Variants in NUP62 observed in about 807,000 individuals in gnomAD.
NUP62 encodes the protein nucleoporin 62, also known as nuclear pore glycoprotein p62.
For missense variants in NUP62, 647 were observed against 689.4 expected (o/e 0.94, Z 0.69); for synonymous variants, 305 against 303.4 (o/e 1.01, Z -0.05).
intron 2 of NUP62, among the ~76,000 whole-genome samples, chr19:49,910,532 A>C (rs2075437539): frequency 6.6e-6 from 1 of 152,126 alleles, no homozygotes; most frequent in African/African-American, 2.4e-5. Context: ...CTCAAGGATA[A>C]ACTGAGACCT....
chr19:49,916,354 AT>A (rs1182733064), intron 2 of NUP62, among the ~76,000 whole-genome samples: 830 of 131,904 alleles, frequency 6.3e-3, no homozygotes, highest in African/African-American at 0.014. Flanking sequence ...TATCTTTTGT[AT>A]TTTTTTTTTT....
chr19:49,913,486 C>A (rs1006098447), intron 2 of NUP62, among the ~76,000 whole-genome samples: 1 of 152,182 alleles, frequency 6.6e-6, no homozygotes, highest in East Asian at 1.9e-4. Flanking sequence ...AGTCAGCAGA[C>A]CTCAGTTCAG....
At position 49,914,896 on chromosome 19, in the gene NUP62, T is replaced by C. The variant is rs554029580; in HGVS notation, c.-77-5012A>G. 1.3e-3 allele frequency among the ~76,000 whole-genome samples: 202 copies of C among 151,772 alleles called. 1 individual carries two copies. The highest frequency in any genetic ancestry group is 4.6e-3 in the African/African-American group (192 of 41,396). ...CTGGGATTACAGGCGTGCACCACCA[T>C]GCCCAGCTAATTTTTGTATTTTTAG... On this transcript the variant is annotated intron_variant, in intron 2 of 2. Transcript: ENST00000352066.
chr19:49,908,943 C>CGGT lies in NUP62; in HGVS notation c.862_864dup (p.Thr288dup). On this transcript the variant is annotated inframe_insertion, in exon 3 of 3. Transcript: ENST00000352066. The stretch of plus-strand genomic sequence containing the variant: ...AGTGGTTTTAAATTCAAGGCAAAGC[C>CGGT]GGTGGTGCTGCTGCTGCTGGTGGTG... The CGGT allele has an allele frequency of 6.2e-7, 1 of 1,609,116 alleles. No homozygotes were observed. The highest frequency in any genetic ancestry group is 8.5e-7 in the Non-Finnish European group (1 of 1,177,832).
chr19:49,916,104 C>T (rs1370619597), intron 2 of NUP62, among the ~76,000 whole-genome samples: 1 of 152,232 alleles, frequency 6.6e-6, no homozygotes, highest in Non-Finnish European at 1.5e-5. Context: ...GGGTGGGAAA[C>T]AAGTGCAGAC....
intron 2 of NUP62, among the ~76,000 whole-genome samples, chr19:49,926,882 G>T (rs1483762751): frequency 1.4e-5 from 2 of 144,908 alleles, no homozygotes; most frequent in African/African-American, 5.1e-5. Context: ...TTGAGACGAG[G>T]TCTCACTCTG....
At chr19:49,915,164 G>A (rs2075592975) in intron 2 of NUP62, among the ~76,000 whole-genome samples, 1 of 152,076 alleles carries the variant, frequency 6.6e-6, no homozygotes, top group Admixed American at 6.6e-5. Context: ...GTGTGGGGGG[G>A]TAGACAGAAA....
Position 49,908,915 on chromosome 19 carries a change from G to A in NUP62, c.893C>T (p.Ala298Val), listed in dbSNP as rs867524159. The A allele has an allele frequency of 2.0e-5, 32 of 1,607,476 alleles. No homozygotes were observed. The highest frequency in any genetic ancestry group is 2.7e-5 in the African/African-American group (2 of 74,808). Residue 298 changes from alanine (A) to valine (V), a missense_variant, in exon 3 of 3, where the codon GCG (alanine) becomes GTG (valine). Transcript: ENST00000352066. ...TGFALNLKPLAPAGIPSNTAA... is the reference protein window; with the variant it reads ...TGFALNLKPLVPAGIPSNTAA... ...TGTATTGCTGGGGATCCCGGCTGGCGCCAGTGGTTTTAAATTCAAGGCAAA... is the reference window on the plus strand; with the variant it reads ...TGTATTGCTGGGGATCCCGGCTGGCACCAGTGGTTTTAAATTCAAGGCAAA...
At chr19:49,927,018 C>G (rs576438217) in intron 2 of NUP62, among the ~76,000 whole-genome samples, 1 of 151,962 alleles carries the variant, frequency 6.6e-6, no homozygotes, top group African/African-American at 2.4e-5. Context: ...AACCACCACA[C>G]CCGACTATTT....
chr19:49,911,811 C>A lies in NUP62; in HGVS notation c.-77-1927G>T, dbSNP rs563705205. Among the ~76,000 whole-genome samples, 3 of 152,306 alleles carry A rather than the reference C, an allele frequency of 2.0e-5. No homozygotes were observed. The East Asian group carries it at 5.8e-4, about 29-fold the overall frequency. On this transcript the variant is annotated intron_variant, in intron 2 of 2. Coordinates refer to ENST00000352066, the MANE Select transcript of NUP62 (RefSeq NM_016553.5). ...CTGTGGCCCTGGCATTTTCATAAAG[C>A]TTTCCTGGGGGATTCTGAGAAAGGT... is the stretch of plus-strand genomic sequence containing the variant.
Position 49,908,547 on chromosome 19 carries a change from T to A in NUP62, c.1261A>T (p.Ile421Phe), listed in dbSNP as rs777922064. The part of the protein sequence containing the change: ...EELVKEQSGT[I>F]YLQHADEERE... ...TCCTCATCCGCGTGCTGCAGGTAGA[T>A]GGTCCCGCTCTGCTCCTTGACCAAC... is the stretch of plus-strand genomic sequence containing the variant. Residue 421 changes from isoleucine (I) to phenylalanine (F), a missense_variant, in exon 3 of 3, where the codon ATC (isoleucine) becomes TTC (phenylalanine). By Grantham distance (21) the Ile-to-Phe change is conservative. Coordinates refer to ENST00000352066, the MANE Select transcript of NUP62 (RefSeq NM_016553.5). 1.2e-6 allele frequency: 2 copies of A among 1,614,170 alleles called. No homozygotes were observed. Among genetic ancestry groups the A allele is most frequent in the Non-Finnish European group, 1.7e-6 (2 of 1,180,040 alleles).
rs991387540 is a variant in NUP62, at chr19:49,907,360, C to T, written c.*879G>A. 1.2e-5 allele frequency: 4 copies of T among 322,298 alleles called. No homozygotes were observed. In the Admixed American group the frequency reaches 1.9e-4, roughly 15 times the overall value. 20.0% of individuals were successfully genotyped at this position (322,298 alleles called of 1,614,324 possible). A position where few individuals can be genotyped will look rare whatever the true frequency, so the allele number is the denominator to read the frequency against. On this transcript the variant is annotated 3_prime_UTR_variant, in exon 3 of 3. Transcript: ENST00000352066. ...AAAAGGCAGGCCTCTCGGCGCCCAT[C>T]TGTGGTTCCTCAACACCCTGTGTGT...
At chr19:49,914,815 C>T (rs903205737) in intron 2 of NUP62, among the ~76,000 whole-genome samples, 2 of 135,260 alleles carry the variant, frequency 1.5e-5, no homozygotes, top group Non-Finnish European at 3.1e-5. Flanking sequence ...TCTTGGCTCA[C>T]TACAACCTCC....
intron 2 of NUP62, among the ~76,000 whole-genome samples, chr19:49,910,483 T>C (rs1270006655): frequency 6.6e-6 from 1 of 152,144 alleles, no homozygotes; most frequent in African/African-American, 2.4e-5. Flanking sequence ...CTGAAACCCA[T>C]GTGCTCAGAG....
intron 2 of NUP62, among the ~76,000 whole-genome samples, chr19:49,922,746 G>A (rs2075794838): frequency 6.6e-6 from 1 of 151,826 alleles, no homozygotes; most frequent in East Asian, 1.9e-4. Context: ...CTTCTCCCGT[G>A]AAACCAGCAG....
intron 2 of NUP62, among the ~76,000 whole-genome samples, chr19:49,916,075 A>T (rs1447379099): frequency 6.6e-6 from 1 of 152,256 alleles, no homozygotes; most frequent in Non-Finnish European, 1.5e-5. Context: ...ACTGCACTGC[A>T]GCACACCGAG....
chr19:49,914,732 T>G (rs1188847854), intron 2 of NUP62, among the ~76,000 whole-genome samples: 4,766 of 97,702 alleles, frequency 0.049, 334 homozygotes, highest in African/African-American at 0.13. Flanking sequence ...CCCAGTTTTT[T>G]TTTTTTTTTT....
intron 2 of NUP62, among the ~76,000 whole-genome samples, chr19:49,923,272 C>T (rs371754623): frequency 6.6e-6 from 1 of 152,238 alleles, no homozygotes; most frequent in African/African-American, 2.4e-5. Context: ...TCAACCCCGG[C>T]ACCCCTGGCC....
intron 2 of NUP62, chr19:49,918,459 C>G (rs1439160312): frequency 1.3e-5 from 2 of 152,262 alleles, no homozygotes; most frequent in Non-Finnish European, 2.9e-5. Flanking sequence ...CTCTCCTCCA[C>G]AGAACCAGGT....
Sources: allele counts gnomAD v4.1 joint callset (sites outside exome capture counted in the v4.1 genomes callset), GRCh38; gene constraint gnomAD v4.1.1; transcripts MANE v1.5; gene names NCBI Gene and HGNC (gene_info 2026-07-23, HGNC 2026-07-21).